DENND1B: variants seen among roughly 807,000 people sequenced by gnomAD.
The protein encoded by DENND1B is DENN domain containing 1B.
Under a neutral mutation model 90.1 loss-of-function variants are expected in DENND1B, and 59 were observed. The observed-to-expected ratio is 0.65, with a 90% CI of 0.53 to 0.81. The LOEUF (loss-of-function observed/expected upper bound fraction) is 0.81, where lower values mean the gene tolerates loss of function less well. Among genes scored for constraint, DENND1B ranks in the 40% least tolerant of loss-of-function variants. The probability of loss-of-function intolerance (pLI) is 0.00; values close to 1 mark genes in which losing one functional copy is unlikely to be tolerated. For missense variants in DENND1B, 862 were observed against 912.6 expected, an observed-to-expected ratio of 0.94 and a Z score of 0.71; for synonymous variants, 337 against 324.6, an observed-to-expected ratio of 1.04 and a Z score of -0.41.
intron 20 of DENND1B, among the ~76,000 whole-genome samples, chr1:197,524,420 T>A (rs1343278999): frequency 6.6e-6 from 1 of 152,076 alleles, no homozygotes; most frequent in African/African-American, 2.4e-5. Flanking sequence ...ATTAGAGAAG[T>A]TAGGAAAGTT....
chr1:197,621,097 G>A (rs776880790), intron 10 of DENND1B, among the ~76,000 whole-genome samples: 1 of 151,260 alleles, frequency 6.6e-6, no homozygotes, highest in Non-Finnish European at 1.5e-5. Flanking sequence ...GGAAGTCAGT[G>A]AGATCAGACT....
At chr1:197,676,671 A>G (rs1022955244) in intron 3 of DENND1B, among the ~76,000 whole-genome samples, 1 of 152,184 alleles carries the variant, frequency 6.6e-6, no homozygotes, top group Admixed American at 6.6e-5. Context: ...AGGAATAATA[A>G]AAAGAATGGA....
intron 3 of DENND1B, among the ~76,000 whole-genome samples, chr1:197,680,031 T>A (rs543042082): frequency 4.6e-5 from 7 of 152,160 alleles, no homozygotes; most frequent in African/African-American, 1.4e-4. Context: ...GCACCTATAG[T>A]CCCAGCTGCT....
At chr1:197,657,266 A>G (rs934857211) in intron 6 of DENND1B, among the ~76,000 whole-genome samples, 3 of 152,218 alleles carry the variant, frequency 2.0e-5, no homozygotes, top group Non-Finnish European at 2.9e-5. Flanking sequence ...GGACTTGAAC[A>G]GACCTTCTAC....
chr1:197,656,139 G>C (rs1180688641), intron 6 of DENND1B, among the ~76,000 whole-genome samples: 1 of 152,090 alleles, frequency 6.6e-6, no homozygotes, highest in Non-Finnish European at 1.5e-5. Flanking sequence ...GAAGAGAAAA[G>C]AGTCTTCAAG....
chr1:197,609,662 T>C (rs894705486), intron 12 of DENND1B, among the ~76,000 whole-genome samples: 2 of 150,024 alleles, frequency 1.3e-5, no homozygotes, highest in Non-Finnish European at 3.0e-5. Flanking sequence ...TAGAAGTTGT[T>C]ACATTAGGTT....
Position 197,611,982 on chromosome 1 carries a change from T to C in DENND1B, c.774-6A>G. On this transcript the variant is annotated splice_polypyrimidine_tract_variant and splice_region_variant and intron_variant, in intron 11 of 22. Coordinates refer to ENST00000620048, the MANE Select transcript of DENND1B (RefSeq NM_001195215.2). Reference sequence around the variant, plus strand: ...TCAGGTATGGCATTGGGGCACTAAATTAAAAATATATATATGCATAGATTC... The same window carrying C: ...TCAGGTATGGCATTGGGGCACTAAACTAAAAATATATATATGCATAGATTC... The C allele has an allele frequency of 6.3e-7, 1 of 1,597,826 alleles. No individual in the cohort carries two copies.
chr1:197,643,377 G>A (rs564560910), intron 9 of DENND1B, among the ~76,000 whole-genome samples: 5 of 152,066 alleles, frequency 3.3e-5, no homozygotes, highest in African/African-American at 4.8e-5. Flanking sequence ...GGTTGGTCTC[G>A]AACTCCTGAC....
At position 197,662,002 on chromosome 1, in the gene DENND1B, G is replaced by C. The variant is rs960669109; in HGVS notation, c.297-3633C>G. On this transcript the variant is annotated intron_variant, in intron 5 of 22. Coordinates refer to ENST00000620048, the MANE Select transcript of DENND1B (RefSeq NM_001195215.2). ...AGTTTTTATTTGTGCTAGGCATTTT[G>C]GTATCTACGTAATTATTACTGTTTT... is the stretch of plus-strand genomic sequence containing the variant. Among the ~76,000 whole-genome samples the C allele has an allele frequency of 2.6e-5, 4 of 151,818 alleles. No homozygotes were observed. In the East Asian group the frequency reaches 5.8e-4, roughly 22 times the overall value.
At chr1:197,655,027 G>A (rs1229056970) in intron 6 of DENND1B, among the ~76,000 whole-genome samples, 1 of 152,012 alleles carries the variant, frequency 6.6e-6, no homozygotes, top group East Asian at 1.9e-4. Context: ...GTCAACAGAA[G>A]TTTTAAAACA....
intron 7 of DENND1B, among the ~76,000 whole-genome samples, chr1:197,647,886 G>C (rs1461392055): frequency 1.3e-5 from 2 of 149,888 alleles, no homozygotes; most frequent in Admixed American, 6.7e-5. Flanking sequence ...GGCAGAGTTT[G>C]CACTGAGCTG....
intron 15 of DENND1B, among the ~76,000 whole-genome samples, chr1:197,558,730 G>T (rs1671914281): frequency 6.6e-6 from 1 of 151,706 alleles, no homozygotes; most frequent in Admixed American, 6.6e-5. Context: ...ACTGCTTCTG[G>T]CTCTTCTTTT....
upstream of DENND1B, among the ~76,000 whole-genome samples, chr1:197,777,355 A>G (rs1050615747): frequency 1.2e-4 from 18 of 152,188 alleles, no homozygotes; most frequent in African/African-American, 3.9e-4. Flanking sequence ...TATGTTAAGT[A>G]CATCGAGGGA....
chr1:197,542,862 G>T (rs1184767094), intron 18 of DENND1B, among the ~76,000 whole-genome samples: 1 of 152,110 alleles, frequency 6.6e-6, no homozygotes, highest in Non-Finnish European at 1.5e-5. Flanking sequence ...ATATTCTAAA[G>T]ATCTTAATTC....
intron 10 of DENND1B, among the ~76,000 whole-genome samples, chr1:197,634,781 G>A (rs1290128464): frequency 6.6e-6 from 1 of 152,196 alleles, no homozygotes; most frequent in Non-Finnish European, 1.5e-5. Flanking sequence ...TTGAGCCCAG[G>A]AGTTCAAGAC....
chr1:197,561,641 T>C (rs1202250740), intron 15 of DENND1B, among the ~76,000 whole-genome samples: 2 of 151,768 alleles, frequency 1.3e-5, no homozygotes, highest in Non-Finnish European at 2.9e-5. Flanking sequence ...AATATCCTGC[T>C]TGCATCTCCA....
At chr1:197,776,234 C>T (rs965737503), upstream of DENND1B, among the ~76,000 whole-genome samples, 6 of 152,180 alleles carry the variant, frequency 3.9e-5, no homozygotes, top group African/African-American at 1.4e-4. Flanking sequence ...TCACCCAGTA[C>T]TTGTCATAGG....
intron 3 of DENND1B, among the ~76,000 whole-genome samples, chr1:197,707,179 T>G (rs1409320256): frequency 6.6e-6 from 1 of 152,198 alleles, no homozygotes; most frequent in African/African-American, 2.4e-5. Context: ...AGATGTCTCA[T>G]GTTCTCACTC....
At chr1:197,543,084 G>A (rs759586911) in intron 18 of DENND1B, among the ~76,000 whole-genome samples, 2 of 151,868 alleles carry the variant, frequency 1.3e-5, no homozygotes, top group Admixed American at 6.6e-5. Flanking sequence ...ATAGGAGCAC[G>A]ACACCACACC....
Sources: gnomAD v4.1 joint callset for allele counts (sites outside exome capture counted in the v4.1 genomes callset) on GRCh38, gnomAD v4.1.1 for gene constraint, MANE v1.5 for transcripts, NCBI Gene and HGNC (gene_info 2026-07-23, HGNC 2026-07-21) for gene names.